The following FMN1 variants were observed in gnomAD, a reference collection of about 807,000 sequenced individuals.
FMN1 encodes formin-1.
In FMN1, 110 loss-of-function variants were observed where a neutral mutation model predicts 132.4. The ratio of observed to expected loss-of-function variants is 0.83; its 90% CI spans 0.71 to 0.97. The LOEUF is 0.97. Ranked by LOEUF, FMN1 falls within the 50% of genes least tolerant of loss-of-function variation. The probability of loss-of-function intolerance (pLI) is 0.00; values close to 1 mark genes in which losing one functional copy is unlikely to be tolerated. For missense variants in FMN1, 1,792 were observed against 1,705.3 expected (o/e 1.05, Z -0.90); for synonymous variants, 722 against 651.7 (o/e 1.11, Z -1.64).
intron 9 of FMN1, among the ~76,000 whole-genome samples, chr15:32,937,953 C>G (rs1436143621): frequency 6.6e-6 from 1 of 152,080 alleles, no homozygotes; most frequent in African/African-American, 2.4e-5. Context: ...CAGTACAACC[C>G]AAGACTTTGA....
At chr15:33,175,922 T>C (rs1024439186) in intron 3 of FMN1, among the ~76,000 whole-genome samples, 1 of 152,198 alleles carries the variant, frequency 6.6e-6, no homozygotes, top group African/African-American at 2.4e-5. Context: ...TTAAGGAACC[T>C]CACATACATA....
intron 15 of FMN1, among the ~76,000 whole-genome samples, chr15:32,898,062 A>G (rs998803318): frequency 1.3e-5 from 2 of 152,334 alleles, no homozygotes; most frequent in Admixed American, 1.3e-4. Context: ...AGAAAGTATT[A>G]TGGAGTTCAT....
At chr15:33,081,591 C>A (rs28481391) in intron 5 of FMN1, among the ~76,000 whole-genome samples, 1 of 152,148 alleles carries the variant, frequency 6.6e-6, no homozygotes, top group Non-Finnish European at 1.5e-5. Flanking sequence ...ATTATAGGAG[C>A]TAATCCCCAT....
intron 6 of FMN1, among the ~76,000 whole-genome samples, chr15:33,054,498 T>C (rs568348194): frequency 6.6e-6 from 1 of 152,324 alleles, no homozygotes; most frequent in East Asian, 1.9e-4. Flanking sequence ...AAAAACTGGT[T>C]CCTGTAAGAA....
At chr15:32,921,125 T>C (rs1267504384) in intron 10 of FMN1, among the ~76,000 whole-genome samples, 4 of 152,044 alleles carry the variant, frequency 2.6e-5, no homozygotes, top group Admixed American at 6.6e-5. Context: ...GTGAAGGAAA[T>C]AAGAGTATTA....
At chr15:32,792,742 TAAAAG>T (rs2057133793) in intron 19 of FMN1, among the ~76,000 whole-genome samples, 1 of 152,054 alleles carries the variant, frequency 6.6e-6, no homozygotes, top group Admixed American at 6.5e-5. Context: ...TATTTAATAT[TAAAAG>T]GAAAGGTTGT....
At chr15:33,082,217 C>T (rs1226645671) in intron 5 of FMN1, among the ~76,000 whole-genome samples, 3 of 151,896 alleles carry the variant, frequency 2.0e-5, no homozygotes, top group African/African-American at 4.8e-5. Context: ...GGATTACAGG[C>T]GCCCACCGCC....
intron 6 of FMN1, among the ~76,000 whole-genome samples, chr15:33,029,024 T>C (rs1280595189): frequency 2.0e-5 from 3 of 152,210 alleles, no homozygotes; most frequent in Non-Finnish European, 4.4e-5. Context: ...AGAAATGACA[T>C]TGTCAGAAGT....
chr15:33,067,612 G>C lies in FMN1; in HGVS notation c.2044-2538C>G, dbSNP rs552668965. On this transcript the variant is annotated intron_variant, in intron 5 of 20. Coordinates refer to ENST00000616417, the MANE Select transcript of FMN1 (RefSeq NM_001277313.2). ...CGCTTGCAATTTTCTCATCATTTCCGAGGTCAGGTGAAACCCGAGACCCTG... is the reference window on the plus strand; with the variant it reads ...CGCTTGCAATTTTCTCATCATTTCCCAGGTCAGGTGAAACCCGAGACCCTG... 36 of 1,613,740 alleles carry C rather than the reference G, an allele frequency of 2.2e-5. No individual in the cohort carries two copies. In the South Asian group the frequency reaches 2.9e-4, roughly 13 times the overall value.
chr15:33,028,474 T>C (rs1191702287), intron 6 of FMN1, among the ~76,000 whole-genome samples: 1 of 150,284 alleles, frequency 6.7e-6, no homozygotes, highest in Admixed American at 6.6e-5. Context: ...CTGGAAATAA[T>C]GCTCAAATGC....
chr15:33,033,531 C>T (rs931008241), intron 6 of FMN1, among the ~76,000 whole-genome samples: 3 of 152,138 alleles, frequency 2.0e-5, no homozygotes, highest in Admixed American at 6.5e-5. Context: ...TCTAGGTCTT[C>T]CCTCTTCCTA....
At chr15:32,975,170 T>C (rs2032103202) in intron 7 of FMN1, among the ~76,000 whole-genome samples, 1 of 152,216 alleles carries the variant, frequency 6.6e-6, no homozygotes, top group African/African-American at 2.4e-5. Flanking sequence ...TTTTCTTAAT[T>C]CTGCTTGACA....
At chr15:32,922,964 ACAAT>A (rs1002876230) in intron 10 of FMN1, among the ~76,000 whole-genome samples, 1 of 152,198 alleles carries the variant, frequency 6.6e-6, no homozygotes, top group African/African-American at 2.4e-5. Flanking sequence ...TGTGGAGAAA[ACAAT>A]CAATAAATGT....
At chr15:32,982,562 T>C (rs1449533554) in intron 7 of FMN1, among the ~76,000 whole-genome samples, 2 of 152,158 alleles carry the variant, frequency 1.3e-5, no homozygotes, top group African/African-American at 4.8e-5. Context: ...TGGCCAAACA[T>C]TATTCTGGAT....
intron 7 of FMN1, among the ~76,000 whole-genome samples, chr15:32,998,806 T>C (rs1374383162): frequency 6.6e-6 from 1 of 152,214 alleles, no homozygotes; most frequent in Non-Finnish European, 1.5e-5. Context: ...GAAGGAAATG[T>C]CTAAAACCAT....
At chr15:33,100,852 A>G (rs975662898) in intron 4 of FMN1, among the ~76,000 whole-genome samples, 2 of 152,204 alleles carry the variant, frequency 1.3e-5, no homozygotes, top group African/African-American at 4.8e-5. Context: ...ATCGATTGTG[A>G]TATAGTCATT....
intron 6 of FMN1, among the ~76,000 whole-genome samples, chr15:33,059,363 C>T (rs977375376): frequency 6.6e-6 from 1 of 152,160 alleles, no homozygotes; most frequent in Non-Finnish European, 1.5e-5. Flanking sequence ...CATGGGAGTG[C>T]AGTTCTATCT....
In FMN1 at chr15:32,919,789, G is replaced by T. The variant is rs895690980; in HGVS notation, c.3226+6385C>A. ...AAGTTATGTTGGATTTCAGATGCCTGGTCAAATTCATTACGTTTTAGACAA... is the reference window on the plus strand; with the variant it reads ...AAGTTATGTTGGATTTCAGATGCCTTGTCAAATTCATTACGTTTTAGACAA... On this transcript the variant is annotated intron_variant, in intron 10 of 20. Coordinates refer to ENST00000616417, the MANE Select transcript of FMN1 (RefSeq NM_001277313.2). Among the ~76,000 whole-genome samples the T allele has an allele frequency of 3.9e-5, 6 of 152,192 alleles. No individual in the cohort carries two copies. In the South Asian group the frequency reaches 8.3e-4, roughly 21 times the overall value.
chr15:32,852,000 A>C (rs1160797223), intron 17 of FMN1, among the ~76,000 whole-genome samples: 2 of 152,154 alleles, frequency 1.3e-5, no homozygotes, highest in Non-Finnish European at 2.9e-5. Context: ...ATCTTTTCTC[A>C]GTTACATTTG....
Sources: allele counts gnomAD v4.1 joint callset (sites outside exome capture counted in the v4.1 genomes callset), GRCh38; gene constraint gnomAD v4.1.1; transcripts MANE v1.5; gene names NCBI Gene and HGNC (gene_info 2026-07-23, HGNC 2026-07-21).